CSMD1: variants seen among roughly 807,000 people sequenced by gnomAD.
CSMD1 encodes the protein CUB and Sushi multiple domains 1.
In CSMD1, 213 loss-of-function variants were observed where a neutral mutation model predicts 417.5. The ratio of observed to expected loss-of-function variants is 0.51; its 90% CI spans 0.46 to 0.57. The LOEUF is 0.57. Ranked by LOEUF, CSMD1 falls within the 20% of genes least tolerant of loss-of-function variation. The pLI, the probability that CSMD1 is intolerant of heterozygous loss-of-function variation, is 0.00. For missense variants in CSMD1, 6,923 were observed against 4,529.7 expected, an observed-to-expected ratio of 1.53 and a Z score of -15.17; for synonymous variants, 2,862 against 1,736.8, an observed-to-expected ratio of 1.65 and a Z score of -16.11.
chr8:4,557,807 C>G (rs762384322), intron 2 of CSMD1, among the ~76,000 whole-genome samples: 10 of 152,158 alleles, frequency 6.6e-5, no homozygotes, highest in Non-Finnish European at 1.5e-4. Flanking sequence ...GGTTAGATTT[C>G]TTTTCATTTC....
chr8:3,325,836 A>AAAC (rs1392719767), intron 23 of CSMD1, among the ~76,000 whole-genome samples: 1 of 152,212 alleles, frequency 6.6e-6, no homozygotes, highest in Admixed American at 6.5e-5. Flanking sequence ...ACAAAAACAA[A>AAAC]AACAAAAACA....
intron 7 of CSMD1, among the ~76,000 whole-genome samples, chr8:3,658,650 G>C (rs1252263671): frequency 6.6e-6 from 1 of 151,880 alleles, no homozygotes; most frequent in Non-Finnish European, 1.5e-5. Flanking sequence ...GGGCGTGGTG[G>C]TGCGTGCCTG....
chr8:4,687,222 A>T (rs1806449856), intron 1 of CSMD1, among the ~76,000 whole-genome samples: 1 of 152,188 alleles, frequency 6.6e-6, no homozygotes, highest in Admixed American at 6.5e-5. Context: ...TGATGACTGC[A>T]TCTCCAGGCC....
intron 6 of CSMD1, among the ~76,000 whole-genome samples, chr8:3,725,010 A>G (rs1362376313): frequency 6.6e-6 from 1 of 152,196 alleles, no homozygotes; most frequent in African/African-American, 2.4e-5. Flanking sequence ...ATACAGCTAT[A>G]AACGTTATTC....
chr8:3,795,814 A>C (rs185572098), intron 5 of CSMD1, among the ~76,000 whole-genome samples: 1,874 of 66,780 alleles, frequency 0.028, 610 homozygotes, highest in Non-Finnish European at 0.043. Flanking sequence ...TCATGTACAG[A>C]TATAGATATA....
Position 3,212,827 on chromosome 8 carries a change from T to C in CSMD1, c.4867+1670A>G, listed in dbSNP as rs531265678. On this transcript the variant is annotated intron_variant, in intron 30 of 69. Transcript: ENST00000635120. ...TTGCTTGTTTGATTTTAGTTTCTTA[T>C]ATACTTTTTTTTTTTTTTTGAGAGA... Among the ~76,000 whole-genome samples, 705 of 117,124 alleles carry C rather than the reference T, an allele frequency of 6.0e-3. 15 individuals carry two copies. The highest frequency in any genetic ancestry group is 0.055 in the East Asian group (233 of 4,266). 76.8% of individuals were successfully genotyped at this position (117,124 alleles called of 152,430 possible). A position where few individuals can be genotyped will look rare whatever the true frequency, so the allele number is the denominator to read the frequency against.
At chr8:4,588,835 G>A (rs961249465) in intron 2 of CSMD1, among the ~76,000 whole-genome samples, 1 of 150,110 alleles carries the variant, frequency 6.7e-6, no homozygotes, top group African/African-American at 2.4e-5. Flanking sequence ...GCTTGATTCT[G>A]TTCACAGGCT....
chr8:4,461,013 A>C (rs913774572), intron 2 of CSMD1, among the ~76,000 whole-genome samples: 7 of 152,210 alleles, frequency 4.6e-5, no homozygotes, highest in African/African-American at 1.4e-4. Flanking sequence ...AAAATGCTCA[A>C]AACAAATCAA....
At chr8:4,277,603 G>C (rs1160899703) in intron 3 of CSMD1, among the ~76,000 whole-genome samples, 1 of 152,094 alleles carries the variant, frequency 6.6e-6, no homozygotes, top group Non-Finnish European at 1.5e-5. Context: ...AGTTCACTAT[G>C]AGGTGTCTCA....
intron 6 of CSMD1, among the ~76,000 whole-genome samples, chr8:3,717,699 T>TGA (rs1281262055): frequency 9.2e-5 from 14 of 151,994 alleles, no homozygotes; most frequent in East Asian, 3.9e-4. Flanking sequence ...TGAAGACACT[T>TGA]AATATTGGTA....
chr8:4,667,201 G>A (rs372767896), intron 1 of CSMD1, among the ~76,000 whole-genome samples: 1 of 152,098 alleles, frequency 6.6e-6, no homozygotes, highest in Non-Finnish European at 1.5e-5. Context: ...TTGTTCCATA[G>A]ATTATATCTA....
At chr8:3,874,161 G>A (rs1191470895) in intron 5 of CSMD1, among the ~76,000 whole-genome samples, 4 of 152,100 alleles carry the variant, frequency 2.6e-5, no homozygotes, top group Non-Finnish European at 2.9e-5. Context: ...TCTGCTATGT[G>A]CTATAAAGTG....
intron 1 of CSMD1, among the ~76,000 whole-genome samples, chr8:4,755,803 T>A (rs1365256789): frequency 2.6e-5 from 4 of 152,186 alleles, no homozygotes; most frequent in African/African-American, 7.2e-5. Context: ...TTTTCCATTC[T>A]TAACGACACT....
At chr8:4,128,109 G>A (rs1053289865) in intron 3 of CSMD1, among the ~76,000 whole-genome samples, 1 of 152,124 alleles carries the variant, frequency 6.6e-6, no homozygotes, top group Non-Finnish European at 1.5e-5. Flanking sequence ...CATGCATCTG[G>A]CAAACACTGT....
intron 7 of CSMD1, among the ~76,000 whole-genome samples, chr8:3,657,787 A>C (rs1241111992): frequency 1.3e-5 from 2 of 152,132 alleles, no homozygotes; most frequent in Non-Finnish European, 2.9e-5. Flanking sequence ...TGGCACGTGT[A>C]TAACTATGTA....
chr8:4,594,209 T>TTTTTTTTTTTTTTTTTTTTTTG (rs1800140805), intron 2 of CSMD1, among the ~76,000 whole-genome samples: 1 of 145,478 alleles, frequency 6.9e-6, no homozygotes, highest in African/African-American at 2.5e-5. Flanking sequence ...TTTTTTTTTT[T>TTTTTTTTTTTTTTTTTTTTTTG]TTTTTTTTCT....
intron 1 of CSMD1, among the ~76,000 whole-genome samples, chr8:4,785,166 C>T (rs76378135): frequency 0.01 from 1,593 of 152,254 alleles, 14 homozygotes; most frequent in East Asian, 0.056. Flanking sequence ...CATAGCTTTG[C>T]TGAATATGAC....
chr8:4,454,577 G>A (rs1037493508), intron 2 of CSMD1, among the ~76,000 whole-genome samples: 5 of 152,186 alleles, frequency 3.3e-5, no homozygotes, highest in African/African-American at 9.6e-5. Flanking sequence ...ACCCAATGCA[G>A]CACTGATTTA....
chr8:4,810,033 G>C (rs145167270), intron 1 of CSMD1, among the ~76,000 whole-genome samples: 162 of 152,284 alleles, frequency 1.1e-3, no homozygotes, highest in Non-Finnish European at 1.9e-3. Context: ...ATGAGGGTTA[G>C]CTCAATATAA....
Sources: allele counts gnomAD v4.1 joint callset (sites outside exome capture counted in the v4.1 genomes callset), GRCh38; gene constraint gnomAD v4.1.1; transcripts MANE v1.5; gene names NCBI Gene and HGNC (gene_info 2026-07-23, HGNC 2026-07-21).